The following DCAF4 variants were observed in gnomAD, a reference collection of about 807,000 sequenced individuals.
The protein encoded by DCAF4 is DDB1- and CUL4-associated factor 4.
In DCAF4, 37 loss-of-function variants were observed where a neutral mutation model predicts 60.9. That is an observed-to-expected ratio of 0.61 (90% confidence interval 0.47 to 0.80). DCAF4 has a LOEUF of 0.80. Among genes scored for constraint, DCAF4 ranks in the 30% least tolerant of loss-of-function variants. The pLI, the probability that DCAF4 is intolerant of heterozygous loss-of-function variation, is 0.00. For missense variants in DCAF4, 577 were observed against 650.0 expected (o/e 0.89, Z 1.22); for synonymous variants, 243 against 254.8 (o/e 0.95, Z 0.44).
At chr14:72,928,318 C>T (rs1406641153) in intron 1 of DCAF4, among the ~76,000 whole-genome samples, 1 of 151,162 alleles carries the variant, frequency 6.6e-6, no homozygotes, top group Non-Finnish European at 1.5e-5. Context: ...TTCAGCCTCC[C>T]GAGTAGCTGA....
chr14:72,942,097 A>G, intron 5 of DCAF4: 1 of 392,098 alleles, frequency 2.6e-6, no homozygotes. Context: ...GTTACTCGTA[A>G]GTCATTCTAG....
chr14:72,934,761 T>TC (rs1703180826), intron 1 of DCAF4, among the ~76,000 whole-genome samples: 1 of 152,112 alleles, frequency 6.6e-6, no homozygotes, highest in African/African-American at 2.4e-5. Context: ...TATTAAACAA[T>TC]CGGTGCCTCC....
At chr14:72,932,538 T>C (rs1332113569) in intron 1 of DCAF4, among the ~76,000 whole-genome samples, 1 of 152,244 alleles carries the variant, frequency 6.6e-6, no homozygotes, top group Non-Finnish European at 1.5e-5. Context: ...TTAGAAATTA[T>C]AATTCTTAAT....
At chr14:72,949,848 G>C (rs763797722) in intron 8 of DCAF4, among the ~76,000 whole-genome samples, 1 of 152,222 alleles carries the variant, frequency 6.6e-6, no homozygotes, top group Non-Finnish European at 1.5e-5. Context: ...TGAGGAATAT[G>C]TGTGGTCATT....
At chr14:72,935,958 CTT>C (rs144277484) in intron 1 of DCAF4, among the ~76,000 whole-genome samples, 2,607 of 152,094 alleles carry the variant, frequency 0.017, 76 homozygotes, top group African/African-American at 0.06. Context: ...TCCTATCAGT[CTT>C]TTTCTCTTTT....
In DCAF4 at chr14:72,958,896, ACACT is replaced by A. The variant is rs1567335142; in HGVS notation, c.*94_*97del. The A allele has an allele frequency of 2.6e-5, 39 of 1,493,670 alleles. No homozygotes were observed. Among genetic ancestry groups the A allele is most frequent in the South Asian group, 5.5e-5 (4 of 73,336 alleles). The allele number at this position is 1,493,670 out of a possible 1,614,324, so 92.5% of individuals were successfully genotyped here. ...GCATCTAATGAGGGTGTTTTAAGTGACACTCAGTGTACACAGATCCCATCCTCTG... is the reference window on the plus strand; with the variant it reads ...GCATCTAATGAGGGTGTTTTAAGTGACAGTGTACACAGATCCCATCCTCTG... On this transcript the variant is annotated 3_prime_UTR_variant, in exon 14 of 14. Coordinates refer to ENST00000358377, the MANE Select transcript of DCAF4 (RefSeq NM_015604.4).
intron 3 of DCAF4, 88 bp from the exon 4 acceptor site, chr14:72,940,132 G>A (rs1239063660): frequency 3.3e-6 from 5 of 1,530,950 alleles, no homozygotes; most frequent in East Asian, 2.2e-5. Flanking sequence ...AGGCAGCCAC[G>A]AGGTGGGGGG....
chr14:72,952,542 A>G (rs1388054145), intron 9 of DCAF4, among the ~76,000 whole-genome samples: 1 of 152,178 alleles, frequency 6.6e-6, no homozygotes, highest in African/African-American at 2.4e-5. Context: ...AGATAAGGAA[A>G]CTGAGGCAGA....
chr14:72,959,331 C>T lies in DCAF4; in HGVS notation c.*526C>T, dbSNP rs11849948. 4.1e-6 allele frequency: 4 copies of T among 985,500 alleles called. No homozygotes were observed. Among genetic ancestry groups the T allele is most frequent in the Admixed American group, 1.2e-4 (2 of 16,272 alleles). The allele number at this position is 985,500 out of a possible 1,614,324, so 61.0% of individuals were successfully genotyped here. A position where few individuals can be genotyped will look rare whatever the true frequency, so the allele number is the denominator to read the frequency against. Reference sequence around the variant, plus strand: ...AAGGCTGGAGTTTGGAATCCTTAAACTTGGCCTTCTCAAACTCAGCAGCAG... The same window carrying T: ...AAGGCTGGAGTTTGGAATCCTTAAATTTGGCCTTCTCAAACTCAGCAGCAG... On this transcript the variant is annotated 3_prime_UTR_variant, in exon 14 of 14. Transcript: ENST00000358377.
Position 72,938,075 on chromosome 14 carries a change from G to T in DCAF4, c.92+5G>T. On this transcript the variant is annotated splice_donor_5th_base_variant and intron_variant, in intron 2 of 13. Transcript: ENST00000358377. ...ACTCCGTGATTCTGAAGACAGGCAA[G>T]TGTGCCGCTCTGGGGAGCCACTTTT... 6.2e-7 allele frequency: 1 copy of T among 1,600,612 alleles called. No individual in the cohort carries two copies. Among genetic ancestry groups the T allele is most frequent in the East Asian group, 2.2e-5 (1 of 44,686 alleles).
rs1890099255 is a variant in DCAF4 at position 72,941,931 on chromosome 14, G to C, written c.431+107G>C. 1.7e-5 allele frequency: 20 copies of C among 1,177,404 alleles called. No individual in the cohort carries two copies. In the South Asian group the frequency reaches 2.7e-4, roughly 16 times the overall value. 72.9% of individuals were successfully genotyped at this position (1,177,404 alleles called of 1,614,324 possible). On this transcript the variant is annotated intron_variant, in intron 5 of 13. Coordinates refer to ENST00000358377, the MANE Select transcript of DCAF4 (RefSeq NM_015604.4). ...TGGATAGACCATGTGGCTACCCCGT[G>C]AAGCACCTGCACAGTTGAGGGGCTC...
chr14:72,956,689 A>T, intron 13 of DCAF4, 189 bp downstream of exon 13: 1 of 546,312 alleles, frequency 1.8e-6, no homozygotes, highest in Non-Finnish European at 3.3e-6. Context: ...GAGTGTAAAT[A>T]AATGTCCACC....
chr14:72,939,026 C>T (rs1889673661), intron 2 of DCAF4, among the ~76,000 whole-genome samples: 1 of 152,030 alleles, frequency 6.6e-6, no homozygotes, highest in South Asian at 2.1e-4. Flanking sequence ...GAACCACCAC[C>T]CAGGCCAAGG....
intron 1 of DCAF4, among the ~76,000 whole-genome samples, chr14:72,928,223 C>A (rs1237108535): frequency 3.5e-5 from 1 of 28,180 alleles, no homozygotes; most frequent in African/African-American, 1.5e-4. Flanking sequence ...TACGGAATTT[C>A]ACTATTGTTG....
At chr14:72,961,910 G>A, downstream of DCAF4, 2 of 1,143,286 alleles carry the variant, frequency 1.7e-6, no homozygotes, top group African/African-American at 3.3e-5. Flanking sequence ...AGTGGGTTCA[G>A]TGGAAGGTTT....
At chr14:72,954,061 C>T (rs1345421566) in intron 9 of DCAF4, 103 bp from the exon 10 acceptor site, 1 of 1,219,368 alleles carries the variant, frequency 8.2e-7, no homozygotes, top group Non-Finnish European at 1.2e-6. Flanking sequence ...AAGGTATAGA[C>T]CCTCTGAGCA....
chr14:72,957,585 G>A (rs752235122), intron 13 of DCAF4: 9 of 152,170 alleles, frequency 5.9e-5, no homozygotes, highest in Non-Finnish European at 8.8e-5. Flanking sequence ...TTTTTAAGTC[G>A]ATTTTTCACC....
At chr14:72,948,179 G>A (rs1489211585) in intron 8 of DCAF4, among the ~76,000 whole-genome samples, 5 of 152,020 alleles carry the variant, frequency 3.3e-5, no homozygotes, top group Non-Finnish European at 5.9e-5. Flanking sequence ...TTTCAAAGGA[G>A]TTTTTTTGGA....
At chr14:72,947,966 T>G (rs1318052942) in intron 8 of DCAF4, among the ~76,000 whole-genome samples, 1 of 152,168 alleles carries the variant, frequency 6.6e-6, no homozygotes, top group East Asian at 1.9e-4. Flanking sequence ...ACTCTTGTCC[T>G]TGGTTCATTC....
Sources: allele counts gnomAD v4.1 joint callset (sites outside exome capture counted in the v4.1 genomes callset), GRCh38; gene constraint gnomAD v4.1.1; transcripts MANE v1.5; gene names NCBI Gene and HGNC (gene_info 2026-07-23, HGNC 2026-07-21).